SPMIP2: variants seen among roughly 807,000 people sequenced by gnomAD.
The protein encoded by SPMIP2 is protein SPMIP2.
the SPMIP2 span, chr4:158,906,356 G>T: frequency 6.6e-6 from 1 of 152,024 alleles, no homozygotes; most frequent in Non-Finnish European, 1.5e-5. Context: ...CTTTTTTCTT[G>T]TTTACATGTT....
At chr4:158,919,219 GA>G in the SPMIP2 span, among the ~76,000 whole-genome samples, 3 of 152,134 alleles carry the variant, frequency 2.0e-5, no homozygotes, top group African/African-American at 4.8e-5. Context: ...GAGAAAATGG[GA>G]AAATTAACGT....
At chr4:159,041,475 T>C in the SPMIP2 span, among the ~76,000 whole-genome samples, 4 of 152,226 alleles carry the variant, frequency 2.6e-5, 1 homozygote, top group Non-Finnish European at 5.9e-5. Flanking sequence ...TTACTAAGAC[T>C]GAACCCCTTA....
At chr4:158,978,625 G>T in the SPMIP2 span, among the ~76,000 whole-genome samples, 23 of 152,168 alleles carry the variant, frequency 1.5e-4, no homozygotes, top group African/African-American at 5.3e-4. Flanking sequence ...ATATATTTAA[G>T]ATATTTAGCT....
chr4:159,080,869 G>A, the SPMIP2 span, among the ~76,000 whole-genome samples: 5 of 151,750 alleles, frequency 3.3e-5, no homozygotes, highest in South Asian at 8.3e-4. Flanking sequence ...GACTACAGGC[G>A]CCCACCACCA....
chr4:158,976,063 T>C, the SPMIP2 span, among the ~76,000 whole-genome samples: 1 of 152,354 alleles, frequency 6.6e-6, no homozygotes, highest in Non-Finnish European at 1.5e-5. Flanking sequence ...TTGTAGCAAT[T>C]GTGACTGGGA....
the SPMIP2 span, chr4:159,034,998 A>G: frequency 6.5e-7 from 1 of 1,534,066 alleles, no homozygotes; most frequent in Non-Finnish European, 9.0e-7. Flanking sequence ...GCAAATTTAG[A>G]TCTCCTTGTG....
the SPMIP2 span, among the ~76,000 whole-genome samples, chr4:159,024,270 T>G: frequency 6.6e-6 from 1 of 152,244 alleles, no homozygotes; most frequent in Non-Finnish European, 1.5e-5. Flanking sequence ...TTCTATCCAC[T>G]GCAGACTTTT....
At chr4:158,957,461 C>T in the SPMIP2 span, among the ~76,000 whole-genome samples, 1 of 152,116 alleles carries the variant, frequency 6.6e-6, no homozygotes, top group Admixed American at 6.5e-5. Flanking sequence ...CACAGTTTCT[C>T]TGTCGCCCAG....
the SPMIP2 span, among the ~76,000 whole-genome samples, chr4:158,996,092 T>C: frequency 9.9e-5 from 15 of 152,160 alleles, no homozygotes; most frequent in Admixed American, 7.2e-4. Context: ...TTCTGGACAG[T>C]GCAATGCACC....
the SPMIP2 span, among the ~76,000 whole-genome samples, chr4:159,060,155 C>T: frequency 6.6e-6 from 1 of 152,046 alleles, no homozygotes; most frequent in African/African-American, 2.4e-5. Flanking sequence ...GAATAGGAAC[C>T]AAGACAGATT....
At chr4:159,020,951 C>A in the SPMIP2 span, among the ~76,000 whole-genome samples, 1 of 152,086 alleles carries the variant, frequency 6.6e-6, no homozygotes, top group African/African-American at 2.4e-5. Context: ...TTAGTGGAGA[C>A]GGGGTTTCAC....
At chr4:158,973,163 A>G in the SPMIP2 span, 13 of 1,613,204 alleles carry the variant, frequency 8.1e-6, 1 homozygote, top group South Asian at 1.1e-4. Context: ...TGACGTACTC[A>G]TGTTTATATT....
the SPMIP2 span, chr4:159,007,669 T>C: frequency 2.7e-6 from 2 of 731,964 alleles, no homozygotes; most frequent in East Asian, 8.1e-5. Context: ...ACTCATGTAA[T>C]GGACTACTGG....
At chr4:159,051,032 A>C in the SPMIP2 span, among the ~76,000 whole-genome samples, 7 of 151,770 alleles carry the variant, frequency 4.6e-5, no homozygotes, top group Admixed American at 2.6e-4. Flanking sequence ...ACCTGAACCC[A>C]GGAGGCAGAG....
At chr4:159,072,871 C>T in the SPMIP2 span, among the ~76,000 whole-genome samples, 6 of 152,102 alleles carry the variant, frequency 3.9e-5, no homozygotes, top group African/African-American at 9.7e-5. Context: ...TATAACAAAA[C>T]ATGGTGAATT....
chr4:159,072,904 T>C, the SPMIP2 span, among the ~76,000 whole-genome samples: 1 of 152,210 alleles, frequency 6.6e-6, no homozygotes, highest in South Asian at 2.1e-4. Context: ...TATTTTTTAA[T>C]TGTAGGAAGG....
the SPMIP2 span, chr4:159,034,987 A>C: frequency 6.9e-7 from 1 of 1,449,594 alleles, no homozygotes. Flanking sequence ...TGAGAGAAAA[A>C]GCAAATTTAG....
the SPMIP2 span, among the ~76,000 whole-genome samples, chr4:159,044,858 A>T: frequency 1.1e-3 from 171 of 152,324 alleles, no homozygotes; most frequent in Non-Finnish European, 2.3e-3. Flanking sequence ...TTGGGAGGCC[A>T]AGGTGGACGG....
At chr4:158,940,961 T>C in the SPMIP2 span, among the ~76,000 whole-genome samples, 1 of 152,334 alleles carries the variant, frequency 6.6e-6, no homozygotes, top group South Asian at 2.1e-4. Context: ...TAGGTTCATC[T>C]TTTTCATTTC....
Sources: gnomAD v4.1 joint callset for allele counts (sites outside exome capture counted in the v4.1 genomes callset) on GRCh38, gnomAD v4.1.1 for gene constraint, MANE v1.5 for transcripts, NCBI Gene and HGNC (gene_info 2026-07-23, HGNC 2026-07-21) for gene names.